The following FOXO4 variants were observed in gnomAD, a reference collection of about 807,000 sequenced individuals.
The protein encoded by FOXO4 is forkhead box O4, also known as forkhead box protein O4.
Under a neutral mutation model 20.8 loss-of-function variants are expected in FOXO4, and 3 were observed. That is an observed-to-expected ratio of 0.14 (90% CI 0.07 to 0.37). FOXO4 has a LOEUF of 0.37. Among genes scored for constraint, FOXO4 ranks in the 10% least tolerant of loss-of-function variants. The probability of loss-of-function intolerance (pLI) is 1.00; values close to 1 mark genes in which losing one functional copy is unlikely to be tolerated. For synonymous variants in FOXO4, 158 were observed against 180.0 expected, an observed-to-expected ratio of 0.88 and a Z score of 0.98; for missense variants, 309 against 431.9, an observed-to-expected ratio of 0.72 and a Z score of 2.52.
At position 71,096,776 on chromosome X, in the gene FOXO4, G is replaced by C; in HGVS notation, c.248G>C (p.Gly83Ala). The C allele has an allele frequency of 8.3e-7, 1 of 1,199,176 alleles. No individual in the cohort carries two copies. The highest frequency in any genetic ancestry group is 1.1e-6 in the Non-Finnish European group (1 of 888,737). Residue 83 changes from glycine (G) to alanine (A), a missense_variant, in exon 1 of 3, where the codon GGA (glycine) becomes GCA (alanine). By Grantham distance (60) the Gly-to-Ala change is moderately conservative. Coordinates refer to ENST00000374259, the MANE Select transcript of FOXO4 (RefSeq NM_005938.4). ...LPEPAGGPQP[G>A]ILGAVTGPRK... Reference sequence around the variant, plus strand: ...GAGCCGGCCGGGGGCCCCCAGCCCGGAATCCTGGGGGCTGTAACAGGTCCT... The same window carrying C: ...GAGCCGGCCGGGGGCCCCCAGCCCGCAATCCTGGGGGCTGTAACAGGTCCT...
In FOXO4 at chrX:71,095,988, C is replaced by A. The variant is rs777744558; in HGVS notation, c.-541C>A. On this transcript the variant is annotated 5_prime_UTR_variant, in exon 1 of 3. Coordinates refer to ENST00000374259, the MANE Select transcript of FOXO4 (RefSeq NM_005938.4). The stretch of plus-strand genomic sequence containing the variant: ...ATCGGTGCGGGAATAAGGGAGGCCG[C>A]AGCCGCGGGGACCCGGACCCTAGTA... 2.1e-5 allele frequency among the ~76,000 whole-genome samples: 2 copies of A among 96,923 alleles called. No individual in the cohort carries two copies. The highest frequency in any genetic ancestry group is 3.9e-5 in the African/African-American group (1 of 25,961). 84.2% of individuals were successfully genotyped at this position (96,923 alleles called of 115,157 possible).
chrX:71,096,560 A>G lies in FOXO4; in HGVS notation c.32A>G (p.Glu11Gly). The part of the protein sequence containing the change: MDPGNENSAT[E>G]AAAIIDLDPD... The stretch of plus-strand genomic sequence containing the variant: ...CCGGGGAATGAGAATTCAGCCACAG[A>G]GGCTGCCGCGATCATAGACCTAGAT... Residue 11 changes from glutamate to glycine, a missense_variant, in exon 1 of 3, where the codon GAG (glutamate) becomes GGG (glycine). By Grantham distance (98) the Glu-to-Gly change is moderately conservative. Transcript: ENST00000374259. 8.3e-7 allele frequency: 1 copy of G among 1,209,280 alleles called. No individual in the cohort carries two copies. Among genetic ancestry groups the G allele is most frequent in the Middle Eastern group, 2.3e-4 (1 of 4,349 alleles).
In FOXO4 at chrX:71,101,111, G is replaced by A; in HGVS notation, c.881G>A (p.Gly294Glu). ...CCAGCTTCAGTCAGCAGTTATGCAG[G>A]GGGTGTCCCTCCCACCCTCAATGAA... The part of the protein sequence containing the change: ...EIPASVSSYA[G>E]GVPPTLNEGL... Residue 294 changes from glycine (G) to glutamate (E), a missense_variant, in exon 2 of 3, where the codon GGG becomes GAG. Coordinates refer to ENST00000374259, the MANE Select transcript of FOXO4 (RefSeq NM_005938.4). 8.3e-7 allele frequency: 1 copy of A among 1,211,439 alleles called. No homozygotes were observed. Among genetic ancestry groups the A allele is most frequent in the Non-Finnish European group, 1.1e-6 (1 of 895,240 alleles).
At chrX:71,100,460 C>G (rs2092227879) in intron 1 of FOXO4, among the ~76,000 whole-genome samples, 1 of 108,121 alleles carries the variant, frequency 9.2e-6, no homozygotes, top group African/African-American at 3.4e-5. Flanking sequence ...TTCCAGCACC[C>G]TTTTATCTTT....
At position 71,102,361 on chromosome X, in the gene FOXO4, C is replaced by A. The variant is rs1249767150; in HGVS notation, c.*277C>A. 1.3e-5 allele frequency: 5 copies of A among 399,316 alleles called. No homozygotes were observed. The highest frequency in any genetic ancestry group is 2.5e-5 in the African/African-American group (1 of 39,898). The allele number at this position is 399,316 out of a possible 1,213,427, so 32.9% of individuals were successfully genotyped here. On this transcript the variant is annotated 3_prime_UTR_variant, in exon 3 of 3. Transcript: ENST00000374259. ...CTCAGGAGCCATCATCGGCTTTCCC[C>A]ATTCCTACCCACTTAGGCTTTGTAG...
Position 71,103,371 on chromosome X carries a change from C to T in FOXO4, c.*1287C>T, listed in dbSNP as rs1369726596. 1.9e-5 allele frequency: 3 copies of T among 162,026 alleles called. No individual in the cohort carries two copies. The highest frequency in any genetic ancestry group is 9.2e-5 in the African/African-American group (3 of 32,566). 13.4% of individuals were successfully genotyped at this position (162,026 alleles called of 1,213,427 possible). A position where few individuals can be genotyped will look rare whatever the true frequency, so the allele number is the denominator to read the frequency against. ...CACCCCAGCCCCCAAAGCAGCCCTT[C>T]CCCCAGTGCCCTTTGCATCGTCCCC... On this transcript the variant is annotated 3_prime_UTR_variant, in exon 3 of 3. Coordinates refer to ENST00000374259, the MANE Select transcript of FOXO4 (RefSeq NM_005938.4).
rs1284301924 is a variant in FOXO4 at position 71,096,784 on chromosome X, G to A, written c.256G>A (p.Gly86Arg). The change falls in exon 1 of 3, where the codon GGG becomes AGG. Residue 86 changes from glycine (G) to arginine (R), a missense_variant. Transcript: ENST00000374259. ...CGGGGGCCCCCAGCCCGGAATCCTG[G>A]GGGCTGTAACAGGTCCTCGGAAGGG... ...PAGGPQPGILGAVTGPRKGGS... is the reference protein window; with the variant it reads ...PAGGPQPGILRAVTGPRKGGS... 8.3e-7 allele frequency: 1 copy of A among 1,199,234 alleles called. No individual in the cohort carries two copies. The highest frequency in any genetic ancestry group is 1.1e-6 in the Non-Finnish European group (1 of 889,472).
At position 71,096,974 on chromosome X, in the gene FOXO4, G is replaced by T; in HGVS notation, c.446G>T (p.Gly149Val). ...AAGGGTGACAGCAACAGCTCAGCAG[G>T]ATGGAAGGTAATTATGACCCTCTTA... Reference protein sequence around the residue: ...KDKGDSNSSAGWKNSIRHNLS... With the variant: ...KDKGDSNSSAVWKNSIRHNLS... The change falls in exon 1 of 3, where the codon GGA (glycine) becomes GTA (valine). Residue 149 changes from glycine to valine, a missense_variant. Coordinates refer to ENST00000374259, the MANE Select transcript of FOXO4 (RefSeq NM_005938.4). 8.3e-7 allele frequency: 1 copy of T among 1,199,973 alleles called. No homozygotes were observed. The highest frequency in any genetic ancestry group is 1.7e-5 in the African/African-American group (1 of 57,504).
intron 1 of FOXO4, among the ~76,000 whole-genome samples, chrX:71,097,352 C>T (rs2092220828): frequency 9.1e-6 from 1 of 109,807 alleles, no homozygotes; most frequent in African/African-American, 3.3e-5. Context: ...CATGAACCTA[C>T]CCTTCCCTCC....
rs770448751 is a variant in FOXO4 at position 71,101,117 on chromosome X, T to A, written c.887T>A (p.Val296Asp). The A allele has an allele frequency of 8.3e-7, 1 of 1,210,542 alleles. No homozygotes were observed. Among genetic ancestry groups the A allele is most frequent in the Non-Finnish European group, 1.1e-6 (1 of 894,890 alleles). Residue 296 changes from valine to aspartate, a missense_variant, in exon 2 of 3, where the codon GTC becomes GAC. Physicochemically the swap from Val to Asp is radical, Grantham distance 152. Transcript: ENST00000374259. Reference protein sequence around the residue: ...PASVSSYAGGVPPTLNEGLEL... With the variant: ...PASVSSYAGGDPPTLNEGLEL... ...TCAGTCAGCAGTTATGCAGGGGGTG[T>A]CCCTCCCACCCTCAATGAAGGTCTA...
In FOXO4 at chrX:71,101,261, C is replaced by A; in HGVS notation, c.1031C>A (p.Ser344Tyr). The A allele has an allele frequency of 8.3e-7, 1 of 1,211,336 alleles. No individual in the cohort carries two copies. ...GGCCCCTTACACACCTACAGCAGCTCCCTTTTCAGCCCAGCAGAGGGGCCC... is the reference window on the plus strand; with the variant it reads ...GGCCCCTTACACACCTACAGCAGCTACCTTTTCAGCCCAGCAGAGGGGCCC... ...VTGPLHTYSS[S>Y]LFSPAEGPLS... Residue 344 changes from serine (S) to tyrosine (Y), a missense_variant, in exon 2 of 3, where the codon TCC (serine) becomes TAC (tyrosine). Physicochemically the swap from Ser to Tyr is moderately radical, Grantham distance 144 (BLOSUM62 -2). Around this residue, in one of 3 missense-constraint regions of FOXO4, gnomAD observed 223 missense variants for 302.7 expected, o/e 0.74. Coordinates refer to ENST00000374259, the MANE Select transcript of FOXO4 (RefSeq NM_005938.4).
At chrX:71,097,030 C>T (rs773561538) in intron 1 of FOXO4, 49 bp downstream of exon 1, 1 of 1,056,167 alleles carries the variant, frequency 9.5e-7, no homozygotes, top group Non-Finnish European at 1.3e-6. Flanking sequence ...ACCCCCTGGA[C>T]CCCCTAGCCT....
rs780316405 is a variant in FOXO4, at chrX:71,097,349, C to T, written c.453+368C>T. Among the ~76,000 whole-genome samples, 236 of 109,893 alleles carry T rather than the reference C, an allele frequency of 2.1e-3. 2 individuals are homozygous for T. Among genetic ancestry groups the T allele is most frequent in the Non-Finnish European group, 3.9e-3 (207 of 52,542 alleles). Reference sequence around the variant, plus strand: ...AACTGTGTGGATTCCCCACATGAACCTACCCTTCCCTCCTCCCCCACCTCC... The same window carrying T: ...AACTGTGTGGATTCCCCACATGAACTTACCCTTCCCTCCTCCCCCACCTCC... On this transcript the variant is annotated intron_variant, in intron 1 of 2. Transcript: ENST00000374259.
intron 1 of FOXO4, chrX:71,099,423 A>G (rs2092225198): frequency 9.0e-6 from 1 of 111,478 alleles, no homozygotes; most frequent in South Asian, 3.7e-4. Context: ...GAGCCTCACC[A>G]TTGTCAACCC....
intron 1 of FOXO4, among the ~76,000 whole-genome samples, chrX:71,099,120 A>C (rs1013312177): frequency 9.0e-6 from 1 of 111,269 alleles, no homozygotes; most frequent in Non-Finnish European, 1.9e-5. Context: ...TGAAGAGTTT[A>C]TGCACAAATT....
chrX:71,100,629 A>C (rs1602283095), intron 1 of FOXO4, 55 bp from the exon 2 acceptor site: 8 of 991,235 alleles, frequency 8.1e-6, no homozygotes, highest in Non-Finnish European at 1.1e-5. Flanking sequence ...ACCGCTGGCC[A>C]CTGACCTCCC....
chrX:71,102,852 A>T lies in FOXO4; in HGVS notation c.*768A>T, dbSNP rs181638411. The T allele has an allele frequency of 6.5e-5, 11 of 169,724 alleles. No homozygotes were observed. The highest frequency in any genetic ancestry group is 3.3e-4 in the African/African-American group (11 of 33,225). The allele number at this position is 169,724 out of a possible 1,213,427, so 14.0% of individuals were successfully genotyped here. ...AGTAAACACAGGGAAGAGCTCCCCT[A>T]CGGACCAGGTATAGAGAAAGGTCTA... On this transcript the variant is annotated 3_prime_UTR_variant, in exon 3 of 3. Coordinates refer to ENST00000374259, the MANE Select transcript of FOXO4 (RefSeq NM_005938.4).
Position 71,096,238 on chromosome X carries a change from G to A in FOXO4, c.-291G>A, listed in dbSNP as rs1043993822. On this transcript the variant is annotated 5_prime_UTR_variant, in exon 1 of 3. Transcript: ENST00000374259. ...ACAGTGCCTCAGGTTTAAAAGAGCA[G>A]GAAGCTGAGTGAGAGGTTGCAGAAA... 2.6e-6 allele frequency: 1 copy of A among 387,172 alleles called. No homozygotes were observed. Among genetic ancestry groups the A allele is most frequent in the African/African-American group, 2.5e-5 (1 of 40,068 alleles). 31.9% of individuals were successfully genotyped at this position (387,172 alleles called of 1,213,427 possible). A position where few individuals can be genotyped will look rare whatever the true frequency, so the allele number is the denominator to read the frequency against.
chrX:71,096,794 C>T lies in FOXO4; in HGVS notation c.266C>T (p.Thr89Ile). 1 of 1,201,650 alleles carries T rather than the reference C, an allele frequency of 8.3e-7. No individual in the cohort carries two copies. The highest frequency in any genetic ancestry group is 3.0e-5 in the East Asian group (1 of 33,277). Residue 89 changes from threonine (T) to isoleucine (I), a missense_variant, in exon 1 of 3, where the codon ACA (threonine) becomes ATA (isoleucine). By Grantham distance (89) the Thr-to-Ile change is moderately conservative (BLOSUM62 -1). Coordinates refer to ENST00000374259, the MANE Select transcript of FOXO4 (RefSeq NM_005938.4). The part of the protein sequence containing the change: ...GPQPGILGAV[T>I]GPRKGGSRRN... ...CAGCCCGGAATCCTGGGGGCTGTAACAGGTCCTCGGAAGGGAGGCTCCCGC... is the reference window on the plus strand; with the variant it reads ...CAGCCCGGAATCCTGGGGGCTGTAATAGGTCCTCGGAAGGGAGGCTCCCGC...
Sources: allele counts gnomAD v4.1 joint callset (sites outside exome capture counted in the v4.1 genomes callset), GRCh38; gene constraint gnomAD v4.1.1; regional missense constraint gnomAD v4.1.1; transcripts MANE v1.5; gene names NCBI Gene and HGNC (gene_info 2026-07-23, HGNC 2026-07-21).